CPZ: variants seen among roughly 807,000 people sequenced by gnomAD.
CPZ encodes VEZT/CPZ fusion.
Under a neutral mutation model 61.8 loss-of-function variants are expected in CPZ, and 103 were observed. The observed-to-expected ratio is 1.67, with a 90% CI of 1.42 to 1.96. The LOEUF is 1.96. CPZ is among the 30% of genes most tolerant of loss of function. The probability of loss-of-function intolerance (pLI) is 0.00; values close to 1 mark genes in which losing one functional copy is unlikely to be tolerated. For synonymous variants in CPZ, 551 were observed against 373.7 expected, an observed-to-expected ratio of 1.47 and a Z score of -5.47; for missense variants, 1,461 against 914.9, an observed-to-expected ratio of 1.60 and a Z score of -7.70.
At position 8,601,377 on chromosome 4, in the gene CPZ, C is replaced by A. The variant is rs144771851; in HGVS notation, c.376C>A (p.Arg126=). The change falls in exon 3 of 11, where the codon CGG becomes AGG. Residue 126 remains arginine, a synonymous_variant. Transcript: ENST00000360986. ...RPCRHICEGL[R]EVCQPAFDAI... is the part of the protein sequence containing the mutation. ...CTGCCGGCACATCTGCGAGGGCCTG[C>A]GGGAGGTCTGCCAGCCCGCCTTCGA... The A allele has an allele frequency of 2.5e-6, 4 of 1,599,850 alleles. No homozygotes were observed. Among genetic ancestry groups the A allele is most frequent in the Middle Eastern group, 1.7e-4 (1 of 6,058 alleles).
chr4:8,605,607 CATCCATCCATCCATCCATCATTGATAT>C (rs1387965553), intron 4 of CPZ, among the ~76,000 whole-genome samples: 1 of 111,650 alleles, frequency 9.0e-6, no homozygotes, highest in African/African-American at 3.9e-5. Context: ...TTCATCCATC[CATCCATCCATCCATCCATCATTGATAT>C]ATCCATTCAT....
chr4:8,606,885 A>T lies in CPZ; in HGVS notation c.1055A>T (p.Tyr352Phe), dbSNP rs777020112. 6 of 1,611,094 alleles carry T rather than the reference A, an allele frequency of 3.7e-6. No homozygotes were observed. The African/African-American group carries it at 8.0e-5, about 22-fold the overall frequency. The change falls in exon 6 of 11, where the codon TAC (tyrosine) becomes TTC (phenylalanine). Residue 352 changes from tyrosine (Y) to phenylalanine (F), a missense_variant. By Grantham distance (22) the Tyr-to-Phe change is conservative (BLOSUM62 3). Coordinates refer to ENST00000360986, the MANE Select transcript of CPZ (RefSeq NM_001014447.3). ...GACCACATCCCCATCCCCCAGCACT[A>T]CTGGTGGGGTAAGGTAGGAGCCGCC... Reference protein sequence around the residue: ...RSDHIPIPQHYWWGKVAPETK... With the variant: ...RSDHIPIPQHFWWGKVAPETK...
rs566237454 is a variant in CPZ, at chr4:8,603,971, C to T, written c.497-5C>T. The T allele has an allele frequency of 1.2e-6, 2 of 1,611,624 alleles. No individual in the cohort carries two copies. Among genetic ancestry groups the T allele is most frequent in the Admixed American group, 1.7e-5 (1 of 59,998 alleles). On this transcript the variant is annotated splice_region_variant and splice_polypyrimidine_tract_variant and intron_variant, in intron 3 of 10. Coordinates refer to ENST00000360986, the MANE Select transcript of CPZ (RefSeq NM_001014447.3). ...ACTGACTGAGCCCCCCCACTGCTCC[C>T]CCAGGAGGCCTGGAGGCTGACGAGG... is the stretch of plus-strand genomic sequence containing the variant.
At position 8,601,295 on chromosome 4, in the gene CPZ, G is replaced by A. The variant is rs1395748998; in HGVS notation, c.294G>A (p.Arg98=). The change falls in exon 3 of 11, where the codon CGG becomes CGA. Residue 98 remains arginine (R), a synonymous_variant. Transcript: ENST00000360986. ...LLEGQCNPDL[R]LLGCAVLAPR... ...AAGGCCAGTGCAACCCGGACCTGCGGCTGCTGGGCTGTGCTGTGCTGGCCC... is the reference window on the plus strand; with the variant it reads ...AAGGCCAGTGCAACCCGGACCTGCGACTGCTGGGCTGTGCTGTGCTGGCCC... The A allele has an allele frequency of 6.2e-7, 1 of 1,613,116 alleles. No individual in the cohort carries two copies. Among genetic ancestry groups the A allele is most frequent in the Admixed American group, 1.7e-5 (1 of 60,010 alleles).
intron 1 of CPZ, 102 bp from the exon 2 acceptor site, chr4:8,599,351 C>T: frequency 1.4e-6 from 2 of 1,381,788 alleles, no homozygotes; most frequent in South Asian, 3.1e-5. Context: ...GGAGGGTGGC[C>T]TGGGCTGGTC....
At chr4:8,605,811 C>T (rs572745569) in intron 4 of CPZ, among the ~76,000 whole-genome samples, 178 bp from the exon 5 acceptor site, 4 of 152,240 alleles carry the variant, frequency 2.6e-5, no homozygotes, top group African/African-American at 4.8e-5. Flanking sequence ...GCATAAAAAA[C>T]GAGCTTAACA....
intron 9 of CPZ, among the ~76,000 whole-genome samples, chr4:8,615,972 TA>T (rs1716126913): frequency 6.6e-6 from 1 of 152,240 alleles, no homozygotes; most frequent in Non-Finnish European, 1.5e-5. Context: ...CCCATTCTTC[TA>T]TGAGCTCTCG....
chr4:8,608,135 T>TCCAGCCCCCAGCCTCCAGCCC (rs1715202911), intron 7 of CPZ, among the ~76,000 whole-genome samples: 2 of 137,574 alleles, frequency 1.5e-5, no homozygotes, highest in African/African-American at 3.1e-5. Flanking sequence ...GGCCCCAGCC[T>TCCAGCCCCCAGCCTCCAGCCC]CCAGCCCCCA....
intron 8 of CPZ, 25 bp downstream of exon 8, chr4:8,612,187 G>C (rs531371583): frequency 0.051 from 25,222 of 492,254 alleles, 2,927 homozygotes; most frequent in East Asian, 0.42. Context: ...GGGCGGGACT[G>C]GGCGGGGGGT....
At chr4:8,594,548 C>A (rs1184222049) in intron 1 of CPZ, among the ~76,000 whole-genome samples, 4 of 152,214 alleles carry the variant, frequency 2.6e-5, no homozygotes, top group Non-Finnish European at 5.9e-5. Flanking sequence ...GACCCAGGCA[C>A]AGCCACTGGT....
chr4:8,606,892 G>T lies in CPZ; in HGVS notation c.1062G>T (p.Trp354Cys), dbSNP rs531394795. 1.8e-4 allele frequency: 292 copies of T among 1,608,676 alleles called. No individual in the cohort carries two copies. The highest frequency in any genetic ancestry group is 2.4e-4 in the Non-Finnish European group (287 of 1,177,916). ...TCCCCATCCCCCAGCACTACTGGTG[G>T]GGTAAGGTAGGAGCCGCCGCTGCCC... The part of the protein sequence containing the change: ...DHIPIPQHYW[W>C]GKVAPETKAI... The change falls in exon 6 of 11, where the codon TGG (tryptophan) becomes TGT (cysteine). Residue 354 changes from tryptophan to cysteine, a missense_variant. Trp to Cys is a radical substitution (Grantham distance 215). Coordinates refer to ENST00000360986, the MANE Select transcript of CPZ (RefSeq NM_001014447.3).
In CPZ at chr4:8,612,797, G is replaced by C. The variant is rs537707726; in HGVS notation, c.1363+635G>C. ...CTCCATGCCGGCACATCACAGATGA[G>C]AGCGCTGGGCTCAGCTGAGAGAAGG... On this transcript the variant is annotated intron_variant, in intron 8 of 10. Coordinates refer to ENST00000360986, the MANE Select transcript of CPZ (RefSeq NM_001014447.3). 6.6e-5 allele frequency among the ~76,000 whole-genome samples: 10 copies of C among 152,216 alleles called. 1 individual carries two copies. The highest frequency in any genetic ancestry group is 1.3e-4 in the Non-Finnish European group (9 of 68,038).
chr4:8,618,121 G>C, intron 9 of CPZ: 2 of 371,234 alleles, frequency 5.4e-6, no homozygotes, highest in South Asian at 2.8e-5. Flanking sequence ...TCAGGCAGAA[G>C]AGTGGCAGGA....
At chr4:8,600,666 C>T (rs1370467000) in intron 2 of CPZ, among the ~76,000 whole-genome samples, 1 of 152,244 alleles carries the variant, frequency 6.6e-6, no homozygotes, top group Non-Finnish European at 1.5e-5. Flanking sequence ...TCATTATCCA[C>T]TTCTCATCCA....
intron 1 of CPZ, among the ~76,000 whole-genome samples, chr4:8,593,413 G>A (rs1478249275): frequency 6.6e-6 from 1 of 152,206 alleles, no homozygotes; most frequent in Non-Finnish European, 1.5e-5. Context: ...GGGAGGGGGC[G>A]TGGGCCCCCT....
Position 8,605,594 on chromosome 4 carries a change from T to TCCATCATTGA in CPZ, c.710-395_710-394insCCATCATTGA, listed in dbSNP as rs1365674019. Among the ~76,000 whole-genome samples, 334 of 104,620 alleles carry TCCATCATTGA rather than the reference T, an allele frequency of 3.2e-3. 3 individuals are homozygous for TCCATCATTGA. Among genetic ancestry groups the TCCATCATTGA allele is most frequent in the African/African-American group, 0.019 (318 of 16,708 alleles). 68.6% of individuals were successfully genotyped at this position (104,620 alleles called of 152,430 possible). A position where few individuals can be genotyped will look rare whatever the true frequency, so the allele number is the denominator to read the frequency against. On this transcript the variant is annotated intron_variant, in intron 4 of 10. Coordinates refer to ENST00000360986, the MANE Select transcript of CPZ (RefSeq NM_001014447.3). ...ATCCATCCAGCCATCCAGCCAGCCATTATTCATCCATCCATCCATCCATCC... is the reference window on the plus strand; with the variant it reads ...ATCCATCCAGCCATCCAGCCAGCCATCCATCATTGATATTCATCCATCCATCCATCCATCC...
intron 2 of CPZ, 116 bp from the exon 3 acceptor site, chr4:8,601,007 G>T: frequency 7.0e-7 from 1 of 1,430,326 alleles, no homozygotes; most frequent in Non-Finnish European, 9.1e-7. Flanking sequence ...CTGCCAGACC[G>T]TGGGTGCCCC....
chr4:8,617,151 C>G (rs560725310), intron 9 of CPZ, among the ~76,000 whole-genome samples: 2 of 152,218 alleles, frequency 1.3e-5, no homozygotes, highest in African/African-American at 4.8e-5. Flanking sequence ...TCAGGCCAGT[C>G]GGTTTCTGCA....
intron 3 of CPZ, chr4:8,602,794 C>T (rs1714671022): frequency 6.6e-6 from 1 of 152,440 alleles, no homozygotes; most frequent in African/African-American, 2.4e-5. Flanking sequence ...CCAGCAAGCC[C>T]TGGGTTCCGG....
Sources: allele counts gnomAD v4.1 joint callset (sites outside exome capture counted in the v4.1 genomes callset), GRCh38; gene constraint gnomAD v4.1.1; transcripts MANE v1.5; gene names NCBI Gene and HGNC (gene_info 2026-07-23, HGNC 2026-07-21).